The following CPNE4 variants were observed in gnomAD, a reference collection of about 807,000 sequenced individuals.
The protein encoded by CPNE4 is copine 4, also known as copine-4.
A neutral mutation model predicts 67.9 loss-of-function variants in CPNE4; 25 were observed. The observed-to-expected ratio is 0.37, with a 90% CI of 0.27 to 0.51. The LOEUF (loss-of-function observed/expected upper bound fraction) is 0.51, where lower values mean the gene tolerates loss of function less well. Ranked by LOEUF, CPNE4 falls within the 20% of genes least tolerant of loss-of-function variation. The probability of loss-of-function intolerance (pLI) is 0.93; values close to 1 mark genes in which losing one functional copy is unlikely to be tolerated. For synonymous variants in CPNE4, 242 were observed against 244.9 expected, an observed-to-expected ratio of 0.99 and a Z score of 0.11; for missense variants, 464 against 690.8, an observed-to-expected ratio of 0.67 and a Z score of 3.68.
chr3:131,949,664 A>G (rs899783998), intron 1 of CPNE4, among the ~76,000 whole-genome samples: 1 of 152,196 alleles, frequency 6.6e-6, no homozygotes, highest in African/African-American at 2.4e-5. Context: ...TGAAATAAGA[A>G]GAGAAGATCA....
intron 2 of CPNE4, among the ~76,000 whole-genome samples, chr3:131,865,443 A>G (rs2086900316): frequency 1.3e-5 from 2 of 152,078 alleles, no homozygotes; most frequent in African/African-American, 4.8e-5. Context: ...TCATATTCTT[A>G]AAGACCCCTC....
intron 2 of CPNE4, among the ~76,000 whole-genome samples, chr3:131,865,477 G>C (rs1026863506): frequency 6.6e-6 from 1 of 151,960 alleles, no homozygotes; most frequent in Non-Finnish European, 1.5e-5. Flanking sequence ...TCTTTATAAG[G>C]CCTTCTCTGT....
intron 2 of CPNE4, among the ~76,000 whole-genome samples, chr3:131,857,127 T>C (rs73203864): frequency 0.076 from 11,632 of 152,142 alleles, 581 homozygotes; most frequent in East Asian, 0.17. Context: ...TTAGAAATCA[T>C]GTTCTTCTAT....
intron 2 of CPNE4, among the ~76,000 whole-genome samples, chr3:131,804,134 T>C (rs1224646427): frequency 6.6e-6 from 1 of 152,176 alleles, no homozygotes; most frequent in Non-Finnish European, 1.5e-5. Flanking sequence ...CTTTTACCAC[T>C]GAACATTTGT....
chr3:132,006,208 T>C (rs1278347956), intron 1 of CPNE4, among the ~76,000 whole-genome samples: 1 of 152,064 alleles, frequency 6.6e-6, no homozygotes, highest in Non-Finnish European at 1.5e-5. Flanking sequence ...ATATATGATA[T>C]CATGGAAAAA....
chr3:131,796,108 G>A lies in CPNE4; in HGVS notation c.181-72483C>T, dbSNP rs146910577. 7.9e-5 allele frequency among the ~76,000 whole-genome samples: 12 copies of A among 152,070 alleles called. No individual in the cohort carries two copies. The East Asian group carries it at 1.9e-3, about 24-fold the overall frequency. ...AAAGGGTGGACTCAGCACCAAATAA[G>A]GTTCCTCTGGGCTCTAATATCTTTG... is the stretch of plus-strand genomic sequence containing the variant. On this transcript the variant is annotated intron_variant, in intron 2 of 15. Transcript: ENST00000429747.
At chr3:131,973,927 A>G (rs2107621693) in intron 1 of CPNE4, among the ~76,000 whole-genome samples, 1 of 152,342 alleles carries the variant, frequency 6.6e-6, no homozygotes, top group East Asian at 1.9e-4. Flanking sequence ...CAAGCCACAA[A>G]GTCTGCATTC....
At chr3:131,873,089 TA>T (rs1451366847) in intron 2 of CPNE4, among the ~76,000 whole-genome samples, 1 of 152,232 alleles carries the variant, frequency 6.6e-6, no homozygotes, top group African/African-American at 2.4e-5. Context: ...TATCAACTTT[TA>T]ATGAAAAGAT....
At chr3:131,967,010 A>G (rs1303701191) in intron 1 of CPNE4, among the ~76,000 whole-genome samples, 3 of 152,204 alleles carry the variant, frequency 2.0e-5, no homozygotes, top group African/African-American at 7.2e-5. Context: ...CAGCACATCA[A>G]AAAGCTTATC....
At chr3:131,716,719 G>T (rs2081699496) in intron 3 of CPNE4, among the ~76,000 whole-genome samples, 1 of 152,178 alleles carries the variant, frequency 6.6e-6, no homozygotes, top group Non-Finnish European at 1.5e-5. Flanking sequence ...AGCATTTTAT[G>T]TGCATTATTC....
chr3:131,583,387 C>T lies in CPNE4; in HGVS notation c.781-1722G>A, dbSNP rs575023837. 1.4e-4 allele frequency among the ~76,000 whole-genome samples: 22 copies of T among 152,178 alleles called. No individual in the cohort carries two copies. The South Asian group carries it at 4.6e-3, about 32-fold the overall frequency. Reference sequence around the variant, plus strand: ...TATCAAAACTGATATTGTCTTTTGCCCCAAAGCTTCCTCTAATATTTCAGT... The same window carrying T: ...TATCAAAACTGATATTGTCTTTTGCTCCAAAGCTTCCTCTAATATTTCAGT... On this transcript the variant is annotated intron_variant, in intron 8 of 15. Coordinates refer to ENST00000429747, the MANE Select transcript of CPNE4 (RefSeq NM_130808.3).
chr3:131,973,874 C>A (rs941852809), intron 1 of CPNE4, among the ~76,000 whole-genome samples: 1 of 152,132 alleles, frequency 6.6e-6, no homozygotes, highest in Non-Finnish European at 1.5e-5. Context: ...ATTGGTTTGC[C>A]AAGCGTAACG....
intron 6 of CPNE4, among the ~76,000 whole-genome samples, chr3:131,684,214 G>A (rs2080828064): frequency 6.6e-6 from 1 of 152,016 alleles, no homozygotes; most frequent in Non-Finnish European, 1.5e-5. Context: ...AGGATAATTA[G>A]AGGATGATTA....
At chr3:131,719,930 G>A (rs1002524313) in intron 3 of CPNE4, among the ~76,000 whole-genome samples, 1 of 152,232 alleles carries the variant, frequency 6.6e-6, no homozygotes, top group Non-Finnish European at 1.5e-5. Flanking sequence ...ACTCTTGCAA[G>A]TGGGTGATGA....
At chr3:131,652,637 A>G (rs549312802) in intron 7 of CPNE4, among the ~76,000 whole-genome samples, 1 of 152,348 alleles carries the variant, frequency 6.6e-6, no homozygotes, top group East Asian at 1.9e-4. Context: ...CACTGAGAAG[A>G]ATATACTGTT....
At chr3:131,554,776 G>A (rs1301073066) in intron 12 of CPNE4, among the ~76,000 whole-genome samples, 1 of 152,024 alleles carries the variant, frequency 6.6e-6, no homozygotes. Context: ...GACCTCAGAG[G>A]CACTGGTAAG....
At chr3:131,698,681 G>A (rs1389436055) in intron 4 of CPNE4, among the ~76,000 whole-genome samples, 1 of 151,708 alleles carries the variant, frequency 6.6e-6, no homozygotes, top group Admixed American at 6.6e-5. Flanking sequence ...GGAAGCCGAG[G>A]GGGGCGGATC....
intron 7 of CPNE4, among the ~76,000 whole-genome samples, chr3:131,650,654 AGAAT>A (rs2079788770): frequency 7.2e-6 from 1 of 138,744 alleles, no homozygotes; most frequent in South Asian, 2.4e-4. Flanking sequence ...CTGAGGCAGG[AGAAT>A]GGCGTGAACC....
intron 2 of CPNE4, among the ~76,000 whole-genome samples, chr3:131,872,284 T>G (rs1489514603): frequency 1.3e-5 from 2 of 152,016 alleles, no homozygotes; most frequent in Non-Finnish European, 2.9e-5. Context: ...AGACTGGCAG[T>G]TCACAAGATT....
Sources: gnomAD v4.1 joint callset for allele counts (sites outside exome capture counted in the v4.1 genomes callset) on GRCh38, gnomAD v4.1.1 for gene constraint, MANE v1.5 for transcripts, NCBI Gene and HGNC (gene_info 2026-07-23, HGNC 2026-07-21) for gene names.